SGK3: variants seen among roughly 807,000 people sequenced by gnomAD.
SGK3 encodes serum/glucocorticoid regulated kinase family member 3, also known as serine/threonine-protein kinase Sgk3.
SGK3 carries 47 observed loss-of-function variants against 68.5 expected under a neutral mutation model. The observed-to-expected ratio is 0.69, with a 90% CI of 0.54 to 0.87. The LOEUF (loss-of-function observed/expected upper bound fraction) is 0.87, where lower values mean the gene tolerates loss of function less well. Ranked by LOEUF, SGK3 falls within the 40% of genes least tolerant of loss-of-function variation. SGK3 has a pLI of 0.00. For missense variants in SGK3, 479 were observed against 575.5 expected (o/e 0.83, Z 1.72); for synonymous variants, 181 against 189.1 (o/e 0.96, Z 0.35).
At chr8:66,775,556 C>G (rs992615639) in intron 1 of SGK3, 23 of 152,298 alleles carry the variant, frequency 1.5e-4, no homozygotes, top group African/African-American at 4.6e-4. Flanking sequence ...CTTCGCGGCA[C>G]TCATTCACTG....
chr8:66,841,749 A>C (rs1229921145), intron 13 of SGK3, among the ~76,000 whole-genome samples: 1 of 152,230 alleles, frequency 6.6e-6, no homozygotes, highest in Admixed American at 6.5e-5. Flanking sequence ...AACAAATCAC[A>C]AATCAGAATT....
At chr8:66,838,996 T>C (rs56717011) in intron 10 of SGK3, among the ~76,000 whole-genome samples, 16,580 of 152,180 alleles carry the variant, frequency 0.11, 1,954 homozygotes, top group African/African-American at 0.29. Flanking sequence ...GAGTCAAAAT[T>C]GTTGGCTAAT....
At chr8:66,729,515 T>A (rs1805082072) in intron 1 of SGK3, among the ~76,000 whole-genome samples, 1 of 152,162 alleles carries the variant, frequency 6.6e-6, no homozygotes. Context: ...ATTTTGCTTA[T>A]TCATTCATCT....
intron 5 of SGK3, among the ~76,000 whole-genome samples, chr8:66,821,547 C>T (rs751353214): frequency 1.3e-5 from 2 of 151,550 alleles, no homozygotes; most frequent in African/African-American, 2.4e-5. Flanking sequence ...GAGTCTCGCT[C>T]TGTCACCCAG....
intron 3 of SGK3, among the ~76,000 whole-genome samples, chr8:66,803,731 C>T (rs1808044507): frequency 6.6e-6 from 1 of 150,880 alleles, no homozygotes; most frequent in Non-Finnish European, 1.5e-5. Flanking sequence ...ATCATGGCTC[C>T]CTGCAGCCCC....
intron 1 of SGK3, among the ~76,000 whole-genome samples, chr8:66,740,485 G>A (rs927228440): frequency 6.6e-6 from 1 of 152,080 alleles, no homozygotes; most frequent in Admixed American, 6.5e-5. Flanking sequence ...ATAATATAGT[G>A]CAGTTCATGG....
At chr8:66,798,690 G>C (rs55784133) in intron 3 of SGK3, 65 bp downstream of exon 3, 7 of 1,386,788 alleles carry the variant, frequency 5.0e-6, no homozygotes, top group Non-Finnish European at 6.9e-6. Context: ...AAATAAGAGA[G>C]ATGTATTTGA....
chr8:66,743,674 A>C (rs1214033696), intron 1 of SGK3, among the ~76,000 whole-genome samples: 1 of 152,244 alleles, frequency 6.6e-6, no homozygotes, highest in African/African-American at 2.4e-5. Flanking sequence ...GGCAAGTGCC[A>C]CCATGCCCAG....
intron 10 of SGK3, 74 bp downstream of exon 10, chr8:66,836,148 T>A: frequency 6.5e-7 from 1 of 1,533,278 alleles, no homozygotes; most frequent in Non-Finnish European, 8.8e-7. Context: ...TTCTTGTAAG[T>A]TTTAGAAGGA....
chr8:66,799,585 A>C (rs577788418), intron 3 of SGK3, among the ~76,000 whole-genome samples: 109 of 152,352 alleles, frequency 7.2e-4, no homozygotes, highest in Non-Finnish European at 6.0e-4. Flanking sequence ...GCTTCAGTTA[A>C]GAACAAAAGC....
At position 66,836,011 on chromosome 8, in the gene SGK3, G is replaced by A. The variant is rs116568658; in HGVS notation, c.678G>A (p.Leu226=). 1 of 1,613,676 alleles carries A rather than the reference G, an allele frequency of 6.2e-7. No homozygotes were observed. Among genetic ancestry groups the A allele is most frequent in the Non-Finnish European group, 8.5e-7 (1 of 1,179,844 alleles). ...TGAAACATCCGTTTTTGGTTGGATT[G>A]CATTATTCCTTCCAAACAACTGAAA... ...KNVKHPFLVG[L]HYSFQTTEKL... The change falls in exon 10 of 17, where the codon TTG becomes TTA. Residue 226 remains leucine, a synonymous_variant. Transcript: ENST00000521198.
At chr8:66,778,041 C>G (rs1482095248) in intron 1 of SGK3, 1 of 152,326 alleles carries the variant, frequency 6.6e-6, no homozygotes, top group Non-Finnish European at 1.5e-5. Context: ...TCCCATTCTG[C>G]AAACCCCCCC....
intron 7 of SGK3, among the ~76,000 whole-genome samples, chr8:66,830,196 A>G (rs907380841): frequency 6.6e-6 from 1 of 152,234 alleles, no homozygotes; most frequent in Non-Finnish European, 1.5e-5. Context: ...CATCTCCAGC[A>G]GTTAACAGTG....
chr8:66,841,541 T>C (rs1183661175), intron 13 of SGK3, among the ~76,000 whole-genome samples: 1 of 152,204 alleles, frequency 6.6e-6, no homozygotes, highest in East Asian at 1.9e-4. Flanking sequence ...AATGGGTGAA[T>C]TGTGTGATAT....
chr8:66,850,029 G>A (rs1350881412), intron 15 of SGK3, among the ~76,000 whole-genome samples: 1 of 152,176 alleles, frequency 6.6e-6, no homozygotes. Context: ...ATGTAGACCT[G>A]ATATGATACA....
At chr8:66,829,413 G>C (rs545679065) in intron 7 of SGK3, among the ~76,000 whole-genome samples, 1 of 152,242 alleles carries the variant, frequency 6.6e-6, no homozygotes, top group South Asian at 2.1e-4. Context: ...CAAGGACTGC[G>C]TCCTGGTACA....
intron 8 of SGK3, among the ~76,000 whole-genome samples, chr8:66,834,092 C>T (rs1809411035): frequency 2.0e-5 from 3 of 152,124 alleles, no homozygotes; most frequent in Admixed American, 2.0e-4. Context: ...GTTTACATAT[C>T]CAACAGAAAT....
chr8:66,856,883 A>G lies in SGK3; in HGVS notation c.1321-2528A>G, dbSNP rs2130761949. Among the ~76,000 whole-genome samples the G allele has an allele frequency of 2.6e-5, 4 of 152,334 alleles. No individual in the cohort carries two copies. In the Middle Eastern group the frequency reaches 0.01, roughly 389 times the overall value. ...CGAGACGGGCATATCACTTGAGGTC[A>G]GAAGTTCGAGACCAGCCTGGCCAAC... is the stretch of plus-strand genomic sequence containing the variant. On this transcript the variant is annotated intron_variant, in intron 16 of 16. Coordinates refer to ENST00000521198, the MANE Select transcript of SGK3 (RefSeq NM_001033578.3).
At chr8:66,788,311 C>T (rs1485642244) in intron 1 of SGK3, among the ~76,000 whole-genome samples, 2 of 152,182 alleles carry the variant, frequency 1.3e-5, no homozygotes, top group Non-Finnish European at 2.9e-5. Context: ...ACTCTGTTCA[C>T]GATGGGCTGT....
Sources: gnomAD v4.1 joint callset for allele counts (sites outside exome capture counted in the v4.1 genomes callset) on GRCh38, gnomAD v4.1.1 for gene constraint, MANE v1.5 for transcripts, NCBI Gene and HGNC (gene_info 2026-07-23, HGNC 2026-07-21) for gene names.